Variants in CFAP54 observed in about 807,000 individuals in gnomAD.
CFAP54 encodes cilia- and flagella-associated protein 54.
CFAP54 carries 290 observed loss-of-function variants against 370.4 expected under a neutral mutation model. The ratio of observed to expected loss-of-function variants is 0.78; its 90% confidence interval spans 0.71 to 0.86. The LOEUF (loss-of-function observed/expected upper bound fraction) is 0.86. CFAP54 is among the 40% of genes least tolerant of loss of function. The pLI, the probability that CFAP54 is intolerant of heterozygous loss-of-function variation, is 0.00. For missense variants in CFAP54, 3,399 were observed against 3,528.7 expected, an observed-to-expected ratio of 0.96 and a Z score of 0.93; for synonymous variants, 1,206 against 1,236.5, an observed-to-expected ratio of 0.98 and a Z score of 0.52.
intron 31 of CFAP54, 48 bp downstream of exon 31, chr12:96,630,252 T>A (rs756742254): frequency 4.1e-6 from 4 of 979,838 alleles, no homozygotes; most frequent in Non-Finnish European, 6.0e-6. Flanking sequence ...ATTAAGAGAT[T>A]CATGTATCTA....
At chr12:96,848,617 G>GAA (rs1959436770) in intron 66 of CFAP54, among the ~76,000 whole-genome samples, 1 of 152,122 alleles carries the variant, frequency 6.6e-6, no homozygotes, top group Non-Finnish European at 1.5e-5. Flanking sequence ...AGAATCACTT[G>GAA]AACCTGGGAG....
At chr12:96,765,338 A>G (rs1329333531) in intron 60 of CFAP54, 120 bp downstream of exon 60, 1 of 930,692 alleles carries the variant, frequency 1.1e-6, no homozygotes, top group Non-Finnish European at 1.5e-6. Flanking sequence ...GTTTGGGGGC[A>G]CTTCCAGGGG....
chr12:96,778,734 G>A (rs1355914412), intron 60 of CFAP54, among the ~76,000 whole-genome samples: 1 of 152,080 alleles, frequency 6.6e-6, no homozygotes, highest in African/African-American at 2.4e-5. Context: ...TTATATGAAT[G>A]TCTTCAAATT....
chr12:96,555,281 G>C (rs899369780), intron 17 of CFAP54, among the ~76,000 whole-genome samples: 1 of 151,908 alleles, frequency 6.6e-6, no homozygotes, highest in Admixed American at 6.6e-5. Flanking sequence ...TTCCTGGCAG[G>C]GGCGTGTAAA....
chr12:96,743,968 A>G (rs1008049186), intron 54 of CFAP54, 52 bp from the exon 55 acceptor site: 3 of 1,603,238 alleles, frequency 1.9e-6, no homozygotes, highest in Non-Finnish European at 2.6e-6. Context: ...CTTTCCTCCT[A>G]TTCCAAACCA....
intron 32 of CFAP54, among the ~76,000 whole-genome samples, chr12:96,642,574 G>C (rs757626955): frequency 6.6e-6 from 1 of 152,106 alleles, no homozygotes; most frequent in Non-Finnish European, 1.5e-5. Context: ...ATACTTTCCG[G>C]AGTTTTCTCT....
At chr12:96,665,326 A>G (rs1221961477) in intron 39 of CFAP54, among the ~76,000 whole-genome samples, 2 of 152,174 alleles carry the variant, frequency 1.3e-5, no homozygotes, top group Admixed American at 6.5e-5. Context: ...TAGTTTAATT[A>G]GATCCCATTT....
At chr12:96,662,935 A>G (rs915374077) in intron 38 of CFAP54, among the ~76,000 whole-genome samples, 2 of 152,144 alleles carry the variant, frequency 1.3e-5, no homozygotes, top group African/African-American at 2.4e-5. Context: ...TCTTTAATAT[A>G]TTATATAATG....
chr12:96,615,170 A>T (rs998945142), intron 26 of CFAP54, among the ~76,000 whole-genome samples: 1 of 151,522 alleles, frequency 6.6e-6, no homozygotes, highest in South Asian at 2.1e-4. Flanking sequence ...AGAGATATAG[A>T]TCAATGGAAC....
chr12:96,538,397 A>T lies in CFAP54; in HGVS notation c.1805A>T (p.Asp602Val), dbSNP rs923751805. The T allele has an allele frequency of 6.5e-7, 1 of 1,534,772 alleles. No homozygotes were observed. The highest frequency in any genetic ancestry group is 8.7e-7 in the Non-Finnish European group (1 of 1,146,368). The change falls in exon 13 of 68, where the codon GAT (aspartate) becomes GTT (valine). Residue 602 changes from aspartate (D) to valine (V), a missense_variant. Transcript: ENST00000524981. ...TTTTGTTTTTAGGATGTTCAACCTG[A>T]TAAAGAAATTGTTGTGGACACGATA... ...VCTAPQDVQP[D>V]KEIVVDTIMF...
intron 62 of CFAP54, among the ~76,000 whole-genome samples, chr12:96,790,013 T>C (rs1283556955): frequency 1.3e-5 from 1 of 74,076 alleles, no homozygotes; most frequent in East Asian, 3.9e-4. Context: ...TAAACCTACT[T>C]TCCCCCACAA....
At chr12:96,763,615 CA>C (rs2136669773) in intron 58 of CFAP54, among the ~76,000 whole-genome samples, 1 of 152,080 alleles carries the variant, frequency 6.6e-6, no homozygotes, top group Admixed American at 6.6e-5. Context: ...CTTGTTTCTA[CA>C]AAAAATACAA....
chr12:96,763,124 C>T (rs1350517241), intron 58 of CFAP54, among the ~76,000 whole-genome samples: 1 of 152,092 alleles, frequency 6.6e-6, no homozygotes, highest in Non-Finnish European at 1.5e-5. Context: ...GAAACTACTA[C>T]TACTTATTTT....
chr12:96,538,563 T>C, intron 13 of CFAP54, 45 bp downstream of exon 13: 1 of 1,521,972 alleles, frequency 6.6e-7, no homozygotes. Flanking sequence ...TTGCTATTGC[T>C]TATTCAAGTT....
intron 23 of CFAP54, 109 bp from the exon 24 acceptor site, chr12:96,592,381 T>C (rs1490273244): frequency 8.4e-6 from 3 of 358,652 alleles, no homozygotes; most frequent in Non-Finnish European, 1.5e-5. Context: ...ATACTTTTGT[T>C]GCTTTTTTGG....
At chr12:96,598,171 G>A (rs947367799) in intron 25 of CFAP54, among the ~76,000 whole-genome samples, 1 of 152,050 alleles carries the variant, frequency 6.6e-6, no homozygotes, top group Middle Eastern at 3.4e-3. Flanking sequence ...TAGGAAGTAA[G>A]TACCAATATT....
intron 19 of CFAP54, chr12:96,572,832 G>A (rs978007420): frequency 2.0e-6 from 2 of 983,352 alleles, no homozygotes; most frequent in East Asian, 1.1e-4. Context: ...AGATGATACT[G>A]ATCAACAGCC....
intron 32 of CFAP54, among the ~76,000 whole-genome samples, chr12:96,631,938 T>C (rs1956613697): frequency 6.6e-6 from 1 of 151,846 alleles, no homozygotes; most frequent in South Asian, 2.1e-4. Flanking sequence ...TTACTAGATA[T>C]TGCTAAGTTG....
At chr12:96,773,940 A>G (rs990124574) in intron 60 of CFAP54, among the ~76,000 whole-genome samples, 4 of 152,338 alleles carry the variant, frequency 2.6e-5, no homozygotes, top group Admixed American at 2.6e-4. Context: ...AGATCATTCT[A>G]AAAAGGTTAT....
Sources: allele counts gnomAD v4.1 joint callset (sites outside exome capture counted in the v4.1 genomes callset), GRCh38; gene constraint gnomAD v4.1.1; transcripts MANE v1.5; gene names NCBI Gene and HGNC (gene_info 2026-07-23, HGNC 2026-07-21).